The following FAM184B variants were observed in gnomAD, a reference collection of about 807,000 sequenced individuals.
FAM184B encodes protein FAM184B.
A neutral mutation model predicts 135.9 loss-of-function variants in FAM184B; 111 were observed. The observed-to-expected ratio is 0.82, with a 90% confidence interval of 0.70 to 0.96. The LOEUF (loss-of-function observed/expected upper bound fraction) is 0.96. Ranked by LOEUF, FAM184B falls within the 40% of genes least tolerant of loss-of-function variation. The probability of loss-of-function intolerance (pLI) is 0.00; values close to 1 mark genes in which losing one functional copy is unlikely to be tolerated. For synonymous variants in FAM184B, 552 were observed against 524.8 expected, an observed-to-expected ratio of 1.05 and a Z score of -0.71; for missense variants, 1,375 against 1,323.9, an observed-to-expected ratio of 1.04 and a Z score of -0.60.
At chr4:17,638,686 A>G (rs993814967) in intron 14 of FAM184B, among the ~76,000 whole-genome samples, 8 of 152,192 alleles carry the variant, frequency 5.3e-5, no homozygotes, top group Admixed American at 1.3e-4. Flanking sequence ...TGGGAATAAC[A>G]ATTCTAATTG....
At chr4:17,668,468 A>G (rs1716101688) in intron 7 of FAM184B, among the ~76,000 whole-genome samples, 1 of 152,162 alleles carries the variant, frequency 6.6e-6, no homozygotes, top group Non-Finnish European at 1.5e-5. Flanking sequence ...TTGCAATTAT[A>G]CCTTCTCCTC....
chr4:17,749,559 G>A (rs1328071458), intron 1 of FAM184B, among the ~76,000 whole-genome samples: 1 of 152,090 alleles, frequency 6.6e-6, no homozygotes, highest in Non-Finnish European at 1.5e-5. Context: ...ACTATCAATG[G>A]AAACAGATAT....
intron 6 of FAM184B, among the ~76,000 whole-genome samples, chr4:17,691,024 C>T (rs1716719504): frequency 6.6e-6 from 1 of 152,076 alleles, no homozygotes; most frequent in South Asian, 2.1e-4. Context: ...GACTGAGGCC[C>T]TTTGTCAATG....
At chr4:17,665,536 C>CT (rs1235451177) in intron 7 of FAM184B, among the ~76,000 whole-genome samples, 2 of 152,106 alleles carry the variant, frequency 1.3e-5, no homozygotes, top group Non-Finnish European at 2.9e-5. Flanking sequence ...AGCTTCTTCC[C>CT]TTTTTTGGAC....
chr4:17,766,767 G>A (rs887190616), intron 1 of FAM184B, among the ~76,000 whole-genome samples: 1 of 152,244 alleles, frequency 6.6e-6, no homozygotes, highest in Non-Finnish European at 1.5e-5. Flanking sequence ...CCGCACCGGG[G>A]CAGCAGGCGG....
At position 17,632,389 on chromosome 4, in the gene FAM184B, G is replaced by A. The variant is rs1322284005; in HGVS notation, c.*143C>T. 8 of 637,618 alleles carry A rather than the reference G, an allele frequency of 1.3e-5. No individual in the cohort carries two copies. The highest frequency in any genetic ancestry group is 1.8e-5 in the Non-Finnish European group (7 of 379,950). 39.5% of individuals were successfully genotyped at this position (637,618 alleles called of 1,614,324 possible). A position where few individuals can be genotyped will look rare whatever the true frequency, so the allele number is the denominator to read the frequency against. On this transcript the variant is annotated 3_prime_UTR_variant, in exon 18 of 18. Coordinates refer to ENST00000265018, the MANE Select transcript of FAM184B (RefSeq NM_015688.2). Reference sequence around the variant, plus strand: ...TGTGCCTGGCAGAACAGTATGAAGTGTTAACGCCAAAATTTGTTTTAGCTA... The same window carrying A: ...TGTGCCTGGCAGAACAGTATGAAGTATTAACGCCAAAATTTGTTTTAGCTA...
chr4:17,634,884 G>T (rs1387313583), intron 16 of FAM184B, 125 bp downstream of exon 16: 13 of 521,942 alleles, frequency 2.5e-5, no homozygotes, highest in East Asian at 2.0e-4. Flanking sequence ...AAACAAGTGG[G>T]TTTTTTTTTT....
chr4:17,765,262 T>C (rs1435402956), intron 1 of FAM184B, among the ~76,000 whole-genome samples: 1 of 152,124 alleles, frequency 6.6e-6, no homozygotes, highest in East Asian at 1.9e-4. Context: ...TATTTCTTTT[T>C]CTAGGCTGGT....
intron 1 of FAM184B, among the ~76,000 whole-genome samples, chr4:17,714,824 C>T (rs75194492): frequency 6.6e-6 from 1 of 152,210 alleles, no homozygotes; most frequent in East Asian, 1.9e-4. Flanking sequence ...ATGGTGGGCT[C>T]ACAATGTCTA....
intron 7 of FAM184B, 71 bp from the exon 8 acceptor site, chr4:17,664,730 C>G: frequency 7.8e-7 from 1 of 1,273,944 alleles, no homozygotes; most frequent in South Asian, 1.4e-5. Flanking sequence ...CATGATTCAA[C>G]CTGTGGCTTA....
intron 13 of FAM184B, among the ~76,000 whole-genome samples, chr4:17,640,521 A>AGG: frequency 6.6e-6 from 1 of 151,794 alleles, no homozygotes; most frequent in East Asian, 1.9e-4. Context: ...AGCACAGTCA[A>AGG]GGCTCAAAGC....
chr4:17,654,331 C>T (rs967397302), intron 10 of FAM184B, among the ~76,000 whole-genome samples: 2 of 151,894 alleles, frequency 1.3e-5, no homozygotes, highest in Non-Finnish European at 2.9e-5. Flanking sequence ...AAATTATTAT[C>T]CCCTCATCTT....
chr4:17,768,385 C>T (rs1016053547), intron 1 of FAM184B, among the ~76,000 whole-genome samples: 1 of 152,150 alleles, frequency 6.6e-6, no homozygotes, highest in African/African-American at 2.4e-5. Context: ...AGCAATTCTC[C>T]TGCTTCAGCC....
chr4:17,701,161 A>G (rs1287322158), intron 5 of FAM184B, among the ~76,000 whole-genome samples: 1 of 152,178 alleles, frequency 6.6e-6, no homozygotes, highest in Admixed American at 6.5e-5. Flanking sequence ...CCCTGAAGAC[A>G]TGGCTGATTC....
At chr4:17,696,235 A>G (rs1716853987) in intron 5 of FAM184B, among the ~76,000 whole-genome samples, 1 of 152,208 alleles carries the variant, frequency 6.6e-6, no homozygotes. Context: ...CCCAGGGTCA[A>G]GATTTGAACT....
At chr4:17,742,722 T>C (rs989907433) in intron 1 of FAM184B, among the ~76,000 whole-genome samples, 5 of 152,188 alleles carry the variant, frequency 3.3e-5, no homozygotes, top group Admixed American at 6.5e-5. Flanking sequence ...TCCCATCCCG[T>C]TGGCAGCCTC....
At position 17,737,962 on chromosome 4, in the gene FAM184B, C is replaced by T. The variant is rs116225149; in HGVS notation, c.142-28318G>A. Among the ~76,000 whole-genome samples, 1,391 of 152,286 alleles carry T rather than the reference C, an allele frequency of 9.1e-3. 20 individuals are homozygous for T. The highest frequency in any genetic ancestry group is 0.031 in the African/African-American group (1,289 of 41,556). On this transcript the variant is annotated intron_variant, in intron 1 of 17. Coordinates refer to ENST00000265018, the MANE Select transcript of FAM184B (RefSeq NM_015688.2). ...AGACAAAAACAACCATGAAATGATA[C>T]AAAATGGCATAACAGCTGGATATAG...
intron 1 of FAM184B, among the ~76,000 whole-genome samples, chr4:17,732,122 G>A (rs374204140): frequency 6.6e-6 from 1 of 152,252 alleles, no homozygotes; most frequent in Admixed American, 6.5e-5. Flanking sequence ...AAATAAAGAT[G>A]TTCTTTGAAA....
intron 7 of FAM184B, among the ~76,000 whole-genome samples, chr4:17,681,021 T>G (rs991321569): frequency 6.6e-6 from 1 of 152,220 alleles, no homozygotes; most frequent in African/African-American, 2.4e-5. Flanking sequence ...TAATAGATAC[T>G]ATAAAGTCAA....
Sources: gnomAD v4.1 joint callset for allele counts (sites outside exome capture counted in the v4.1 genomes callset) on GRCh38, gnomAD v4.1.1 for gene constraint, MANE v1.5 for transcripts, NCBI Gene and HGNC (gene_info 2026-07-23, HGNC 2026-07-21) for gene names.